Variants in TBC1D32 observed in about 807,000 individuals in gnomAD.
TBC1D32 encodes TBC1 domain family member 32, also known as protein broad-minded.
A neutral mutation model predicts 170.3 loss-of-function variants in TBC1D32; 151 were observed. The observed-to-expected ratio is 0.89, with a 90% CI of 0.78 to 1.01. TBC1D32 has a LOEUF of 1.01. Among genes scored for constraint, TBC1D32 ranks in the 50% least tolerant of loss-of-function variants. The pLI, the probability that TBC1D32 is intolerant of heterozygous loss-of-function variation, is 0.00. For synonymous variants in TBC1D32, 498 were observed against 488.0 expected, an observed-to-expected ratio of 1.02 and a Z score of -0.27; for missense variants, 1,464 against 1,457.1, an observed-to-expected ratio of 1.00 and a Z score of -0.08.
intron 10 of TBC1D32, among the ~76,000 whole-genome samples, chr6:121,297,978 G>C (rs912310420): frequency 2.0e-5 from 3 of 151,926 alleles, no homozygotes; most frequent in Non-Finnish European, 4.4e-5. Context: ...TCTTATACAA[G>C]AATCTCTTTT....
intron 1 of TBC1D32, among the ~76,000 whole-genome samples, chr6:121,328,822 T>G (rs1045247609): frequency 1.3e-5 from 2 of 152,196 alleles, no homozygotes; most frequent in African/African-American, 4.8e-5. Flanking sequence ...TACTTTGACA[T>G]TTTTCTCACC....
At chr6:121,229,612 T>C (rs1283744149) in intron 20 of TBC1D32, among the ~76,000 whole-genome samples, 1 of 152,186 alleles carries the variant, frequency 6.6e-6, no homozygotes, top group African/African-American at 2.4e-5. Flanking sequence ...TTTAGCCATT[T>C]CTGTTTTAAT....
rs139887389 is a variant in TBC1D32 at position 121,113,424 on chromosome 6, A to G, written c.3054-247T>C. Among the ~76,000 whole-genome samples the G allele has an allele frequency of 2.1e-3, 318 of 152,350 alleles. 1 individual carries two copies. The highest frequency in any genetic ancestry group is 7.3e-3 in the African/African-American group (304 of 41,586). On this transcript the variant is annotated intron_variant, in intron 27 of 31. Coordinates refer to ENST00000398212, the MANE Select transcript of TBC1D32 (RefSeq NM_152730.6). ...ATATCCTGTAGATGAAACGTATAAT[A>G]TAAGCATTTTTTCCTGAACTTAATC...
intron 12 of TBC1D32, among the ~76,000 whole-genome samples, chr6:121,289,538 A>G (rs1455377641): frequency 6.6e-6 from 1 of 152,230 alleles, no homozygotes; most frequent in Non-Finnish European, 1.5e-5. Context: ...GCTCATGGGT[A>G]GGAAGAATCA....
chr6:121,253,726 A>G (rs1351284842), intron 17 of TBC1D32, among the ~76,000 whole-genome samples: 2 of 152,178 alleles, frequency 1.3e-5, no homozygotes, highest in Non-Finnish European at 2.9e-5. Context: ...CTCAAAAAAA[A>G]AAGTCAAAAA....
intron 1 of TBC1D32, among the ~76,000 whole-genome samples, chr6:121,327,413 T>C (rs1478101541): frequency 6.6e-6 from 1 of 152,200 alleles, no homozygotes; most frequent in Non-Finnish European, 1.5e-5. Context: ...ATCCCAAAGA[T>C]TGATAGTACT....
intron 12 of TBC1D32, among the ~76,000 whole-genome samples, chr6:121,284,728 T>C (rs1803534867): frequency 6.6e-6 from 1 of 152,140 alleles, no homozygotes; most frequent in Non-Finnish European, 1.5e-5. Context: ...CTATAATATC[T>C]GGTAGGCCAA....
intron 21 of TBC1D32, among the ~76,000 whole-genome samples, chr6:121,208,318 C>G (rs774963567): frequency 2.0e-3 from 299 of 152,032 alleles, no homozygotes; most frequent in Non-Finnish European, 3.4e-3. Context: ...CTGGGGAGAC[C>G]TCAGGAAACT....
chr6:121,257,439 T>C (rs1686026666), intron 15 of TBC1D32, among the ~76,000 whole-genome samples: 2 of 152,142 alleles, frequency 1.3e-5, no homozygotes, highest in Non-Finnish European at 2.9e-5. Flanking sequence ...TAATGATCAT[T>C]GCCTACATCC....
At chr6:121,198,770 AAAG>A (rs1791167171) in intron 22 of TBC1D32, among the ~76,000 whole-genome samples, 1 of 151,384 alleles carries the variant, frequency 6.6e-6, no homozygotes, top group African/African-American at 2.5e-5. Flanking sequence ...AAAATAAAAA[AAAG>A]AAGTGATCAT....
Position 121,334,289 on chromosome 6 carries a change from C to T in TBC1D32, c.142G>A (p.Glu48Lys). Residue 48 changes from glutamate to lysine, a missense_variant, in exon 1 of 32, where the codon GAA becomes AAA. By Grantham distance (56) the Glu-to-Lys change is moderately conservative (BLOSUM62 1). Around this residue, in one of 3 missense-constraint regions of TBC1D32, gnomAD observed 1,363 missense variants for 1,338.1 expected, o/e 1.02. Transcript: ENST00000398212. The stretch of plus-strand genomic sequence containing the variant: ...AAGCAATTTTACTTGTGAAAATTTT[C>T]ATCAGTTTCCTCCAGATGTAAAAGA... ...EILLHLEETD[E>K]NFHNYEFVKY... is the part of the protein sequence containing the mutation. 1.9e-6 allele frequency: 3 copies of T among 1,613,992 alleles called. No homozygotes were observed. Among genetic ancestry groups the T allele is most frequent in the East Asian group, 2.2e-5 (1 of 44,866 alleles).
intron 9 of TBC1D32, among the ~76,000 whole-genome samples, chr6:121,301,860 C>T (rs188464995): frequency 2.0e-5 from 3 of 151,968 alleles, no homozygotes; most frequent in Admixed American, 2.0e-4. Flanking sequence ...AAACTCCCAA[C>T]CTCAAGTGAT....
intron 17 of TBC1D32, 37 bp downstream of exon 17, chr6:121,255,291 A>C: frequency 8.0e-7 from 1 of 1,243,286 alleles, no homozygotes; most frequent in South Asian, 1.5e-5. Context: ...ATTTCAGCAA[A>C]TATAATAAAT....
chr6:121,251,954 C>A (rs540506266), intron 17 of TBC1D32, among the ~76,000 whole-genome samples: 42 of 152,034 alleles, frequency 2.8e-4, no homozygotes, highest in Middle Eastern at 3.4e-3. Context: ...TTTATGCGGC[C>A]AAGAAACATA....
intron 21 of TBC1D32, among the ~76,000 whole-genome samples, chr6:121,210,162 T>A (rs1437831737): frequency 6.6e-6 from 1 of 152,066 alleles, no homozygotes; most frequent in Non-Finnish European, 1.5e-5. Flanking sequence ...AGACCTAATA[T>A]CCCTAAAAGC....
intron 2 of TBC1D32, among the ~76,000 whole-genome samples, chr6:121,319,146 C>A (rs920094806): frequency 1.3e-5 from 2 of 151,068 alleles, no homozygotes; most frequent in African/African-American, 2.4e-5. Context: ...TCTTTAAGTA[C>A]CAGAAATTAC....
At chr6:121,288,193 A>G (rs1804198555) in intron 12 of TBC1D32, among the ~76,000 whole-genome samples, 1 of 152,206 alleles carries the variant, frequency 6.6e-6, no homozygotes, top group Non-Finnish European at 1.5e-5. Flanking sequence ...AAAACTCTTC[A>G]AAAAATCAAT....
At chr6:121,130,844 T>C (rs1781363034) in intron 25 of TBC1D32, among the ~76,000 whole-genome samples, 1 of 152,122 alleles carries the variant, frequency 6.6e-6, no homozygotes, top group Non-Finnish European at 1.5e-5. Context: ...ATAGATATTT[T>C]ATAAATATCT....
chr6:121,209,409 G>T (rs1047954005), intron 21 of TBC1D32, among the ~76,000 whole-genome samples: 1 of 152,098 alleles, frequency 6.6e-6, no homozygotes, highest in Non-Finnish European at 1.5e-5. Flanking sequence ...GCACTATGTT[G>T]TACAGTAGAT....
Sources: allele counts gnomAD v4.1 joint callset (sites outside exome capture counted in the v4.1 genomes callset), GRCh38; gene constraint gnomAD v4.1.1; regional missense constraint gnomAD v4.1.1; transcripts MANE v1.5; gene names NCBI Gene and HGNC (gene_info 2026-07-23, HGNC 2026-07-21).